Variants in CSMD1 observed in about 807,000 individuals in gnomAD.
The protein encoded by CSMD1 is CUB and sushi domain-containing protein 1.
Under a neutral mutation model 417.5 loss-of-function variants are expected in CSMD1, and 213 were observed. That is an observed-to-expected ratio of 0.51 (90% CI 0.46 to 0.57). The LOEUF is 0.57. Ranked by LOEUF, CSMD1 falls within the 20% of genes least tolerant of loss-of-function variation. CSMD1 has a pLI of 0.00. For missense variants in CSMD1, 6,923 were observed against 4,529.7 expected, an observed-to-expected ratio of 1.53 and a Z score of -15.17; for synonymous variants, 2,862 against 1,736.8, an observed-to-expected ratio of 1.65 and a Z score of -16.11.
chr8:3,934,310 A>G (rs1727300129), intron 5 of CSMD1, among the ~76,000 whole-genome samples: 1 of 152,196 alleles, frequency 6.6e-6, no homozygotes, highest in Non-Finnish European at 1.5e-5. Context: ...CTATGTATAA[A>G]TGAAAATTTC....
intron 7 of CSMD1, among the ~76,000 whole-genome samples, chr8:3,652,940 A>C (rs13439830): frequency 0.42 from 63,438 of 151,966 alleles, 14,219 homozygotes; most frequent in Admixed American, 0.5. Context: ...CTAAAGACTG[A>C]AAGCCCCTTA....
At chr8:4,790,431 A>G (rs538033428) in intron 1 of CSMD1, among the ~76,000 whole-genome samples, 53 of 152,206 alleles carry the variant, frequency 3.5e-4, no homozygotes, top group Admixed American at 1.2e-3. Flanking sequence ...ATTCAAAACT[A>G]TTCCTTTCAA....
chr8:3,912,746 C>G (rs1450739772), intron 5 of CSMD1, among the ~76,000 whole-genome samples: 1 of 152,190 alleles, frequency 6.6e-6, no homozygotes, highest in Non-Finnish European at 1.5e-5. Context: ...AAGAGGCAGA[C>G]TGCAGTCTGC....
intron 5 of CSMD1, among the ~76,000 whole-genome samples, chr8:3,988,968 C>T (rs969696896): frequency 2.6e-5 from 4 of 152,114 alleles, no homozygotes; most frequent in African/African-American, 9.7e-5. Context: ...AGGTTATTTG[C>T]TGAACATAGA....
intron 1 of CSMD1, among the ~76,000 whole-genome samples, chr8:4,942,450 T>C (rs932172725): frequency 2.0e-5 from 3 of 152,208 alleles, no homozygotes; most frequent in African/African-American, 7.2e-5. Context: ...CCAACCATCA[T>C]GACAAAGACA....
intron 5 of CSMD1, among the ~76,000 whole-genome samples, chr8:3,865,060 G>A (rs906651735): frequency 4.6e-5 from 7 of 151,984 alleles, no homozygotes; most frequent in African/African-American, 1.2e-4. Context: ...TCTATTTCTC[G>A]GCATATGCCA....
chr8:3,595,572 C>T (rs1245878957), intron 8 of CSMD1, among the ~76,000 whole-genome samples: 10 of 152,064 alleles, frequency 6.6e-5, no homozygotes, highest in Admixed American at 6.6e-4. Context: ...AACAAAGATC[C>T]CTTAATGACA....
chr8:3,004,461 T>C (rs918903284), intron 52 of CSMD1, among the ~76,000 whole-genome samples: 1 of 152,208 alleles, frequency 6.6e-6, no homozygotes, highest in Non-Finnish European at 1.5e-5. Context: ...ATCTTCTGCG[T>C]GAATTTATTA....
At chr8:3,010,746 C>CTTT (rs34404492) in intron 52 of CSMD1, among the ~76,000 whole-genome samples, 1 of 143,298 alleles carries the variant, frequency 7.0e-6, no homozygotes, top group Non-Finnish European at 1.5e-5. Context: ...CTATTCCCAA[C>CTTT]TTTTTTTTTT....
chr8:4,599,720 A>G (rs1294997250), intron 2 of CSMD1, among the ~76,000 whole-genome samples: 1 of 152,182 alleles, frequency 6.6e-6, no homozygotes, highest in Non-Finnish European at 1.5e-5. Context: ...CATAGCAACC[A>G]CTAACCAGCT....
chr8:4,228,586 G>T (rs562138991), intron 3 of CSMD1, among the ~76,000 whole-genome samples: 12 of 114,256 alleles, frequency 1.1e-4, no homozygotes, highest in Non-Finnish European at 5.8e-5. Flanking sequence ...TTCTCTGTCA[G>T]ATCTTTTTTT....
rs1485102924 is a variant in CSMD1 at position 3,219,359 on chromosome 8, C to A, written c.4568G>T (p.Gly1523Val). The change falls in exon 29 of 70, where the codon GGC becomes GTC. Residue 1523 changes from glycine to valine, a missense_variant. By Grantham distance (109) the Gly-to-Val change is moderately radical (BLOSUM62 -3). Coordinates refer to ENST00000635120, the MANE Select transcript of CSMD1 (RefSeq NM_033225.6). Reference protein sequence around the residue: ...SNSPLIGSYQGSQAPERIESS... With the variant: ...SNSPLIGSYQVSQAPERIESS... ...CTCTATTCTTTCTGGGGCCTGAGAG[C>A]CCTGGTAACTCCCAATGAGGGGGCT... The A allele has an allele frequency of 6.4e-7, 1 of 1,572,824 alleles. No homozygotes were observed.
chr8:3,949,347 C>G (rs1353178780), intron 5 of CSMD1, among the ~76,000 whole-genome samples: 1 of 152,106 alleles, frequency 6.6e-6, no homozygotes, highest in Non-Finnish European at 1.5e-5. Context: ...CCAAGATCTC[C>G]CCAACACCTC....
intron 25 of CSMD1, among the ~76,000 whole-genome samples, chr8:3,286,070 T>A (rs1174140598): frequency 6.6e-6 from 1 of 152,114 alleles, no homozygotes; most frequent in African/African-American, 2.4e-5. Flanking sequence ...AGTGAGAACA[T>A]GAGGCGTTTG....
chr8:3,526,298 T>C (rs1318471281), intron 10 of CSMD1, among the ~76,000 whole-genome samples: 2 of 151,242 alleles, frequency 1.3e-5, no homozygotes, highest in East Asian at 1.9e-4. Context: ...CAAATAGATA[T>C]AGGCAATGTT....
intron 2 of CSMD1, among the ~76,000 whole-genome samples, chr8:4,548,294 T>C (rs1006691411): frequency 2.0e-5 from 3 of 152,244 alleles, no homozygotes; most frequent in Non-Finnish European, 4.4e-5. Context: ...CTTTTTAATT[T>C]AGTCATGTAT....
At chr8:3,277,252 C>T (rs1802364507) in intron 26 of CSMD1, among the ~76,000 whole-genome samples, 1 of 152,096 alleles carries the variant, frequency 6.6e-6, no homozygotes, top group Non-Finnish European at 1.5e-5. Context: ...AATGAGAAGT[C>T]ACCCTGGCTG....
chr8:4,976,390 A>T (rs1810561793), intron 1 of CSMD1, among the ~76,000 whole-genome samples: 1 of 152,216 alleles, frequency 6.6e-6, no homozygotes, highest in South Asian at 2.1e-4. Context: ...TACTACATTA[A>T]ATTAATGAAG....
At chr8:3,657,805 T>G (rs139528493) in intron 7 of CSMD1, among the ~76,000 whole-genome samples, 35 of 152,258 alleles carry the variant, frequency 2.3e-4, no homozygotes, top group African/African-American at 8.4e-4. Flanking sequence ...GTAACAAACA[T>G]GCACATTCTG....
Sources: allele counts gnomAD v4.1 joint callset (sites outside exome capture counted in the v4.1 genomes callset), GRCh38; gene constraint gnomAD v4.1.1; transcripts MANE v1.5; gene names NCBI Gene and HGNC (gene_info 2026-07-23, HGNC 2026-07-21).